Variants in ANO1 observed in about 807,000 individuals in gnomAD.
ANO1 encodes anoctamin-1.
Under a neutral mutation model 124.0 loss-of-function variants are expected in ANO1, and 59 were observed. The observed-to-expected ratio is 0.48, with a 90% CI of 0.39 to 0.59. ANO1 has a LOEUF of 0.59. Ranked by LOEUF, ANO1 falls within the 20% of genes least tolerant of loss-of-function variation. The pLI is 0.00. For missense variants in ANO1, 1,059 were observed against 1,328.0 expected (o/e 0.80, Z 3.15); for synonymous variants, 529 against 532.0 (o/e 0.99, Z 0.08).
intron 25 of ANO1, among the ~76,000 whole-genome samples, chr11:70,187,089 G>C (rs972800727): frequency 6.6e-6 from 1 of 152,128 alleles, no homozygotes; most frequent in Non-Finnish European, 1.5e-5. Context: ...TGGGGCATAA[G>C]TTCTGCAGCT....
the ANO1 span, among the ~76,000 whole-genome samples, chr11:69,978,216 T>C: frequency 6.6e-6 from 1 of 152,202 alleles, no homozygotes; most frequent in Non-Finnish European, 1.5e-5. Flanking sequence ...CGTGGGCCTT[T>C]TCACCAGGCT....
At chr11:70,063,754 T>C (rs1591068132) in intron 1 of ANO1, 1 of 152,354 alleles carries the variant, frequency 6.6e-6, no homozygotes, top group Admixed American at 6.5e-5. Flanking sequence ...AGCACCAGGA[T>C]GTGACATGAA....
intron 1 of ANO1, among the ~76,000 whole-genome samples, chr11:70,041,124 C>G (rs2135056856): frequency 6.6e-6 from 1 of 152,252 alleles, no homozygotes; most frequent in Non-Finnish European, 1.5e-5. Context: ...CCATGTGTGA[C>G]AGTAGGGGCA....
intron 1 of ANO1, among the ~76,000 whole-genome samples, chr11:70,027,640 T>C (rs538677909): frequency 1.1e-3 from 160 of 152,328 alleles, no homozygotes; most frequent in Middle Eastern, 6.8e-3. Flanking sequence ...CAGTCTGTAA[T>C]TGAATCAACA....
chr11:70,054,422 G>A (rs1555006604), intron 1 of ANO1, among the ~76,000 whole-genome samples: 2 of 152,226 alleles, frequency 1.3e-5, no homozygotes, highest in East Asian at 1.9e-4. Context: ...AGTGCAGGAC[G>A]GTGCCAGGGT....
the ANO1 span, among the ~76,000 whole-genome samples, chr11:69,976,303 T>A: frequency 1.5e-4 from 22 of 150,694 alleles, no homozygotes; most frequent in South Asian, 6.3e-4. Context: ...AGGTCAGGAG[T>A]TCGAGACCAT....
intron 4 of ANO1, 93 bp from the exon 5 acceptor site, chr11:70,105,641 A>C: frequency 8.5e-7 from 1 of 1,175,008 alleles, no homozygotes. Context: ...GGTCACGGCT[A>C]ATGGGGACAG....
chr11:70,015,153 C>T (rs918513657), intron 1 of ANO1: 3 of 152,058 alleles, frequency 2.0e-5, no homozygotes, highest in African/African-American at 7.2e-5. Context: ...GTCTTTTTAT[C>T]GTTCCATTCA....
intron 17 of ANO1, 82 bp downstream of exon 17, chr11:70,161,444 G>C: frequency 6.6e-7 from 1 of 1,509,378 alleles, no homozygotes; most frequent in Non-Finnish European, 9.2e-7. Flanking sequence ...CCTTGAGTTT[G>C]TTGCTTAACT....
chr11:70,084,179 C>T (rs987681858), intron 1 of ANO1, among the ~76,000 whole-genome samples: 5 of 152,222 alleles, frequency 3.3e-5, no homozygotes, highest in East Asian at 1.9e-4. Context: ...TCCGACCCCT[C>T]GAGACCCTGC....
chr11:70,155,424 C>T (rs2047770540), intron 14 of ANO1, among the ~76,000 whole-genome samples: 1 of 152,232 alleles, frequency 6.6e-6, no homozygotes, highest in Non-Finnish European at 1.5e-5. Flanking sequence ...TTTATTTCCT[C>T]CTCTGTTTCA....
chr11:70,157,293 G>C (rs1456755814), intron 16 of ANO1, among the ~76,000 whole-genome samples: 2 of 151,458 alleles, frequency 1.3e-5, no homozygotes, highest in Non-Finnish European at 2.9e-5. Context: ...CTTGAACCCG[G>C]GAGGCAGAGG....
intron 2 of ANO1, among the ~76,000 whole-genome samples, chr11:70,095,026 C>T (rs572873557): frequency 6.6e-5 from 10 of 152,052 alleles, no homozygotes; most frequent in Admixed American, 2.0e-4. Context: ...GGCCACATAG[C>T]GAAACCCCAT....
Position 70,101,730 on chromosome 11 carries a change from G to A in ANO1, c.442-1336G>A, listed in dbSNP as rs577769282. 1.2e-4 allele frequency among the ~76,000 whole-genome samples: 18 copies of A among 152,196 alleles called. No individual in the cohort carries two copies. The South Asian group carries it at 3.1e-3, about 26-fold the overall frequency. On this transcript the variant is annotated intron_variant, in intron 2 of 25. Transcript: ENST00000355303. ...TCAGGCCCTGAGCCTGCACCTGGTC[G>A]CTCTGCACCCGGAGGGGATGGATGA...
chr11:69,987,235 G>A (rs898135413), intron 1 of ANO1, among the ~76,000 whole-genome samples: 2 of 152,162 alleles, frequency 1.3e-5, no homozygotes, highest in African/African-American at 2.4e-5. Flanking sequence ...ACTCTTGTGC[G>A]GCCAGGCTGT....
chr11:70,182,699 G>C lies in ANO1; in HGVS notation c.2588+13G>C. ...TGCAGATCTGCAGGTACTGCTCTCT[G>C]CTCCCCTCTTTGAAAAGCCACGTTT... is the stretch of plus-strand genomic sequence containing the variant. On this transcript the variant is annotated intron_variant, in intron 24 of 25. Transcript: ENST00000355303. 1 of 1,511,564 alleles carries C rather than the reference G, an allele frequency of 6.6e-7. No homozygotes were observed. Among genetic ancestry groups the C allele is most frequent in the Non-Finnish European group, 8.9e-7 (1 of 1,129,066 alleles). 93.6% of individuals were successfully genotyped at this position (1,511,564 alleles called of 1,614,324 possible). A position where few individuals can be genotyped will look rare whatever the true frequency, so the allele number is the denominator to read the frequency against.
At chr11:69,974,887 TAAAAAAAAA>T in the ANO1 span, among the ~76,000 whole-genome samples, 1 of 127,654 alleles carries the variant, frequency 7.8e-6, no homozygotes, top group Non-Finnish European at 1.6e-5. Flanking sequence ...CCTCCGTCTC[TAAAAAAAAA>T]AAAAAAAAAA....
chr11:70,093,211 CT>C (rs1487692970), intron 2 of ANO1, among the ~76,000 whole-genome samples: 75 of 149,138 alleles, frequency 5.0e-4, no homozygotes, highest in African/African-American at 1.6e-3. Flanking sequence ...TTTCTTCCCC[CT>C]CTCTCTCTCT....
At chr11:70,095,758 C>T (rs1032558450) in intron 2 of ANO1, among the ~76,000 whole-genome samples, 4 of 152,188 alleles carry the variant, frequency 2.6e-5, no homozygotes, top group African/African-American at 9.7e-5. Flanking sequence ...GCCCCTCACC[C>T]CCGCCGGAGC....
Sources: allele counts gnomAD v4.1 joint callset (sites outside exome capture counted in the v4.1 genomes callset), GRCh38; gene constraint gnomAD v4.1.1; transcripts MANE v1.5; gene names NCBI Gene and HGNC (gene_info 2026-07-23, HGNC 2026-07-21).